The following COMMD10 variants were observed in gnomAD, a reference collection of about 807,000 sequenced individuals.
COMMD10 encodes the protein COMM domain-containing protein 10.
A neutral mutation model predicts 28.9 loss-of-function variants in COMMD10; 33 were observed. That is an observed-to-expected ratio of 1.14 (90% CI 0.87 to 1.53). The LOEUF is 1.53. Among genes scored for constraint, COMMD10 ranks in the 40% most tolerant of loss-of-function variants. The pLI, the probability that COMMD10 is intolerant of heterozygous loss-of-function variation, is 0.00. For synonymous variants in COMMD10, 110 were observed against 81.7 expected (o/e 1.35, Z -1.87); for missense variants, 310 against 233.4 (o/e 1.33, Z -2.14).
At chr5:116,103,994 T>A (rs1750748924) in intron 4 of COMMD10, among the ~76,000 whole-genome samples, 1 of 152,190 alleles carries the variant, frequency 6.6e-6, no homozygotes, top group Non-Finnish European at 1.5e-5. Context: ...CTCTGTTATG[T>A]TCCATTGGTC....
chr5:116,187,981 T>A (rs1387482585), intron 5 of COMMD10, among the ~76,000 whole-genome samples: 3 of 152,176 alleles, frequency 2.0e-5, no homozygotes, highest in Non-Finnish European at 4.4e-5. Context: ...GCTTTTCTTT[T>A]TCAAGTATAT....
At chr5:116,120,122 A>C (rs1217592840) in intron 4 of COMMD10, among the ~76,000 whole-genome samples, 1 of 152,108 alleles carries the variant, frequency 6.6e-6, no homozygotes, top group Non-Finnish European at 1.5e-5. Flanking sequence ...TCAACCAACA[A>C]ATGAATAAAG....
At chr5:116,122,949 C>T (rs1751492688) in intron 4 of COMMD10, among the ~76,000 whole-genome samples, 1 of 151,948 alleles carries the variant, frequency 6.6e-6, no homozygotes, top group Non-Finnish European at 1.5e-5. Context: ...TTCCTCTTTT[C>T]CTAACTGAAT....
At chr5:116,259,413 C>T (rs769953658) in intron 5 of COMMD10, among the ~76,000 whole-genome samples, 1 of 151,306 alleles carries the variant, frequency 6.6e-6, no homozygotes, top group Non-Finnish European at 1.5e-5. Context: ...CTTTTCAAAT[C>T]TCACTGAGAA....
intron 4 of COMMD10, among the ~76,000 whole-genome samples, chr5:116,108,402 GGCTGCAGTGGCTTTTTGA>G (rs143531085): frequency 0.74 from 111,031 of 150,994 alleles, 41,168 homozygotes; most frequent in Non-Finnish European, 0.8. Flanking sequence ...CTGGCAGTCT[GGCTGCAGTGGCTTTTTGA>G]GCTGCAGTGG....
chr5:116,213,255 G>T (rs6885123), intron 5 of COMMD10, among the ~76,000 whole-genome samples: 148,878 of 152,176 alleles, frequency 0.98, 72,915 homozygotes, highest in East Asian at 1. Context: ...TCCACTAATA[G>T]GAGTTGTAAA....
intron 5 of COMMD10, among the ~76,000 whole-genome samples, chr5:116,284,336 GTA>G (rs1561408562): frequency 7.4e-5 from 9 of 121,338 alleles, no homozygotes; most frequent in African/African-American, 2.4e-4. Context: ...ATGTGTGTGT[GTA>G]TGTATGTGTG....
intron 5 of COMMD10, among the ~76,000 whole-genome samples, chr5:116,264,243 A>G (rs938998764): frequency 7.9e-5 from 12 of 151,688 alleles, no homozygotes; most frequent in African/African-American, 2.7e-4. Flanking sequence ...GTGCTGGGGG[A>G]AGAAAGAGGG....
intron 4 of COMMD10, among the ~76,000 whole-genome samples, chr5:116,126,640 T>C (rs1751654030): frequency 6.6e-6 from 1 of 151,704 alleles, no homozygotes; most frequent in South Asian, 2.1e-4. Context: ...AACCATCTGA[T>C]CTTTGACAAA....
At chr5:116,205,234 CAG>C (rs938104596) in intron 5 of COMMD10, among the ~76,000 whole-genome samples, 11 of 152,064 alleles carry the variant, frequency 7.2e-5, no homozygotes, top group South Asian at 2.1e-4. Context: ...TGAAAGCAAA[CAG>C]AATTTTTTTC....
chr5:116,120,018 C>A (rs1751372623), intron 4 of COMMD10, among the ~76,000 whole-genome samples: 1 of 152,028 alleles, frequency 6.6e-6, no homozygotes, highest in Non-Finnish European at 1.5e-5. Context: ...AGCTGTATTT[C>A]CATGAGATCA....
chr5:116,215,875 T>C lies in COMMD10; in HGVS notation c.511-75642T>C, dbSNP rs185818803. On this transcript the variant is annotated intron_variant, in intron 5 of 6. Transcript: ENST00000274458. ...TTTTAAAAAAAAATTAACATTGCTG[T>C]TGTGAAGAAAATTTGCAGATGAATA... Among the ~76,000 whole-genome samples, 387 of 151,652 alleles carry C rather than the reference T, an allele frequency of 2.6e-3. 1 individual carries two copies. The highest frequency in any genetic ancestry group is 4.4e-3 in the Non-Finnish European group (299 of 67,854).
At chr5:116,142,675 A>G (rs1031450069) in intron 5 of COMMD10, among the ~76,000 whole-genome samples, 1 of 151,698 alleles carries the variant, frequency 6.6e-6, no homozygotes, top group African/African-American at 2.4e-5. Flanking sequence ...AGGCCAGTAA[A>G]AAGCCCAGAT....
intron 5 of COMMD10, among the ~76,000 whole-genome samples, chr5:116,163,514 G>T (rs550555608): frequency 6.6e-6 from 1 of 151,312 alleles, no homozygotes; most frequent in South Asian, 2.1e-4. Context: ...ACTTGCACCC[G>T]GGAAGTAGAG....
intron 3 of COMMD10, 73 bp from the exon 4 acceptor site, chr5:116,092,472 T>C (rs1397054200): frequency 4.8e-6 from 5 of 1,037,818 alleles, no homozygotes; most frequent in African/African-American, 1.6e-5. Context: ...AAAAATAGTT[T>C]TGTATTTAGT....
intron 4 of COMMD10, among the ~76,000 whole-genome samples, chr5:116,112,054 C>T (rs907872460): frequency 7.2e-5 from 11 of 152,138 alleles, no homozygotes; most frequent in African/African-American, 2.7e-4. Flanking sequence ...TGCCCTGTCT[C>T]TTTCAAGTTT....
Position 116,257,074 on chromosome 5 carries a change from T to C in COMMD10, c.511-34443T>C, listed in dbSNP as rs1308981369. The stretch of plus-strand genomic sequence containing the variant: ...AGGTTACTCTACTCTGTATTTTATT[T>C]TTTTTAGGTAAGAAGAAATATTGGA... On this transcript the variant is annotated intron_variant, in intron 5 of 6. Transcript: ENST00000274458. 1.3e-5 allele frequency among the ~76,000 whole-genome samples: 2 copies of C among 151,802 alleles called. 1 individual carries two copies. Among genetic ancestry groups the C allele is most frequent in the Non-Finnish European group, 2.9e-5 (2 of 67,984 alleles).
intron 4 of COMMD10, among the ~76,000 whole-genome samples, chr5:116,123,081 T>A (rs1381333238): frequency 6.6e-6 from 1 of 152,210 alleles, no homozygotes; most frequent in Admixed American, 6.5e-5. Flanking sequence ...TGCTTCTAGT[T>A]TTTGCCCATT....
intron 5 of COMMD10, among the ~76,000 whole-genome samples, chr5:116,141,218 G>C (rs12055304): frequency 0.82 from 124,569 of 151,572 alleles, 51,341 homozygotes; most frequent in African/African-American, 0.84. Flanking sequence ...GTAGCCTTGA[G>C]AAAAATTAAT....
Sources: allele counts gnomAD v4.1 joint callset (sites outside exome capture counted in the v4.1 genomes callset), GRCh38; gene constraint gnomAD v4.1.1; transcripts MANE v1.5; gene names NCBI Gene and HGNC (gene_info 2026-07-23, HGNC 2026-07-21).